The following RBFOX1 variants were observed in gnomAD, a reference collection of about 807,000 sequenced individuals.
RBFOX1 encodes the protein RNA binding fox-1 homolog 1.
RBFOX1 carries 8 observed loss-of-function variants against 57.7 expected under a neutral mutation model. That is an observed-to-expected ratio of 0.14 (90% CI 0.08 to 0.25). The LOEUF (loss-of-function observed/expected upper bound fraction) is 0.25, where lower values mean the gene tolerates loss of function less well. Among genes scored for constraint, RBFOX1 ranks in the 10% least tolerant of loss-of-function variants. The pLI is 1.00. For missense variants in RBFOX1, 611 were observed against 548.5 expected (o/e 1.11, Z -1.14); for synonymous variants, 326 against 222.4 (o/e 1.47, Z -4.15).
chr16:5,326,841 A>C (rs2064588844), intron 1 of RBFOX1, among the ~76,000 whole-genome samples: 1 of 152,228 alleles, frequency 6.6e-6, no homozygotes, highest in African/African-American at 2.4e-5. Flanking sequence ...TCAGACGTCC[A>C]AATGATTGAT....
intron 3 of RBFOX1, among the ~76,000 whole-genome samples, chr16:5,840,863 A>G (rs190032442): frequency 8.3e-4 from 126 of 152,286 alleles, no homozygotes; most frequent in Admixed American, 7.8e-4. Flanking sequence ...TGTCTGGGTG[A>G]GAGCTTGGAC....
chr16:5,800,996 A>G (rs1348720931), intron 3 of RBFOX1, among the ~76,000 whole-genome samples: 1 of 152,180 alleles, frequency 6.6e-6, no homozygotes, highest in East Asian at 1.9e-4. Flanking sequence ...TGCAAGAGCA[A>G]GACAGAGAGT....
chr16:6,437,775 A>G (rs1427386889), intron 2 of RBFOX1, among the ~76,000 whole-genome samples: 1 of 152,140 alleles, frequency 6.6e-6, no homozygotes, highest in African/African-American at 2.4e-5. Context: ...GGGAAGTTTT[A>G]CAGACTTTTA....
At chr16:6,644,566 C>G (rs551735327) in intron 2 of RBFOX1, among the ~76,000 whole-genome samples, 24 of 152,332 alleles carry the variant, frequency 1.6e-4, no homozygotes, top group African/African-American at 5.1e-4. Flanking sequence ...GAAAAGCTCT[C>G]TGGGACTTTG....
At position 5,523,616 on chromosome 16, in the gene RBFOX1, AAAACAAAC is replaced by A. The variant is rs79122543; in HGVS notation, c.258+56384_258+56391del. 4.4e-3 allele frequency among the ~76,000 whole-genome samples: 666 copies of A among 151,412 alleles called. 6 individuals are homozygous for A. Among genetic ancestry groups the A allele is most frequent in the Middle Eastern group, 0.01 (3 of 294 alleles). On this transcript the variant is annotated intron_variant, in intron 2 of 2. Coordinates refer to the RBFOX1 transcript ENST00000585867. Reference sequence around the variant, plus strand: ...TGGATGACAAAGTGAGACCCTGTCTAAAACAAACAAACAAACAAACAAACAAACAGAAA... The same window carrying A: ...TGGATGACAAAGTGAGACCCTGTCTAAAACAAACAAACAAACAAACAGAAA...
chr16:6,382,828 C>G (rs1254828911), intron 2 of RBFOX1, among the ~76,000 whole-genome samples: 1 of 152,186 alleles, frequency 6.6e-6, no homozygotes, highest in Admixed American at 6.5e-5. Context: ...TCGCTGCACT[C>G]CAGCCTGGGC....
chr16:6,451,732 C>T (rs148499422), intron 2 of RBFOX1, among the ~76,000 whole-genome samples: 6 of 152,320 alleles, frequency 3.9e-5, no homozygotes, highest in Non-Finnish European at 7.3e-5. Flanking sequence ...CACACCACCA[C>T]AGACAGAGCA....
intron 10 of RBFOX1, among the ~76,000 whole-genome samples, chr16:7,610,282 G>T: frequency 6.6e-6 from 1 of 151,716 alleles, no homozygotes; most frequent in Non-Finnish European, 1.5e-5. Flanking sequence ...ACCATGCCCG[G>T]ATCATTTTTG....
chr16:6,613,241 T>C (rs1389348934), intron 2 of RBFOX1, among the ~76,000 whole-genome samples: 1 of 152,086 alleles, frequency 6.6e-6, no homozygotes, highest in Non-Finnish European at 1.5e-5. Context: ...TTCCCTGTCA[T>C]ATGCTTGGCT....
intron 2 of RBFOX1, among the ~76,000 whole-genome samples, chr16:5,526,582 C>T (rs930394900): frequency 6.6e-6 from 1 of 152,192 alleles, no homozygotes; most frequent in South Asian, 2.1e-4. Flanking sequence ...AGCCACCACA[C>T]CTGGCTTCCA....
At chr16:7,492,903 C>CT (rs982036431) in intron 4 of RBFOX1, among the ~76,000 whole-genome samples, 1 of 152,024 alleles carries the variant, frequency 6.6e-6, no homozygotes, top group African/African-American at 2.4e-5. Flanking sequence ...TTAAGCCTCT[C>CT]TTTTTTGAGA....
At chr16:5,535,098 C>G (rs548123645) in intron 2 of RBFOX1, among the ~76,000 whole-genome samples, 153 of 152,224 alleles carry the variant, frequency 1.0e-3, no homozygotes, top group African/African-American at 3.6e-3. Flanking sequence ...GTGCATTGAC[C>G]AATACAGTAG....
At chr16:7,077,712 G>A (rs79186556) in intron 4 of RBFOX1, among the ~76,000 whole-genome samples, 2,872 of 152,232 alleles carry the variant, frequency 0.019, 111 homozygotes, top group African/African-American at 0.066. Flanking sequence ...TGATAGAAAT[G>A]GAATGTTCTG....
chr16:7,356,550 A>C (rs1419742701), intron 4 of RBFOX1, among the ~76,000 whole-genome samples: 1 of 152,178 alleles, frequency 6.6e-6, no homozygotes, highest in African/African-American at 2.4e-5. Flanking sequence ...CGATTGAGGC[A>C]GGGCCCTGCA....
intron 4 of RBFOX1, among the ~76,000 whole-genome samples, chr16:5,984,969 TATATATA>T (rs1171112804): frequency 0.037 from 2,039 of 54,838 alleles, 37 homozygotes; most frequent in Non-Finnish European, 0.052. Context: ...TATATATATA[TATATATA>T]TTTTTTTTTT....
At chr16:5,356,024 G>A (rs1180393207) in intron 1 of RBFOX1, among the ~76,000 whole-genome samples, 4 of 152,218 alleles carry the variant, frequency 2.6e-5, no homozygotes, top group African/African-American at 9.6e-5. Context: ...CCGGGAGGCG[G>A]AGGTTGCAGT....
At chr16:5,692,661 A>G (rs2050723486) in intron 3 of RBFOX1, among the ~76,000 whole-genome samples, 1 of 152,134 alleles carries the variant, frequency 6.6e-6, no homozygotes, top group African/African-American at 2.4e-5. Flanking sequence ...CTACGTAGGG[A>G]CCAGAATCCC....
intron 6 of RBFOX1, among the ~76,000 whole-genome samples, chr16:7,583,880 T>A (rs1304570798): frequency 6.6e-6 from 1 of 151,932 alleles, no homozygotes; most frequent in Non-Finnish European, 1.5e-5. Flanking sequence ...AGGAAAATGG[T>A]CCACTAAACC....
intron 11 of RBFOX1, among the ~76,000 whole-genome samples, chr16:7,647,297 A>G (rs1267022837): frequency 1.3e-5 from 2 of 152,174 alleles, no homozygotes; most frequent in Middle Eastern, 3.2e-3. Context: ...GCCTGTTTTG[A>G]GAGAAATTCA....
Sources: gnomAD v4.1 joint callset for allele counts (sites outside exome capture counted in the v4.1 genomes callset) on GRCh38, gnomAD v4.1.1 for gene constraint, MANE v1.5 for transcripts, NCBI Gene and HGNC (gene_info 2026-07-23, HGNC 2026-07-21) for gene names.